The following ZNF521 variants were observed in gnomAD, a reference collection of about 807,000 sequenced individuals.
ZNF521 encodes LYST-interacting protein 3.
ZNF521 carries 14 observed loss-of-function variants against 105.5 expected under a neutral mutation model. The ratio of observed to expected loss-of-function variants is 0.13; its 90% CI spans 0.09 to 0.21. The LOEUF (loss-of-function observed/expected upper bound fraction) is 0.21, where lower values mean the gene tolerates loss of function less well. ZNF521 is among the 10% of genes least tolerant of loss of function. The pLI is 1.00. For synonymous variants in ZNF521, 635 were observed against 606.0 expected (o/e 1.05, Z -0.70); for missense variants, 1,233 against 1,629.7 (o/e 0.76, Z 4.19).
At chr18:25,222,319 T>TTGAA (rs1905778875) in intron 4 of ZNF521, among the ~76,000 whole-genome samples, 1 of 152,230 alleles carries the variant, frequency 6.6e-6, no homozygotes, top group Admixed American at 6.5e-5. Flanking sequence ...AATGATAAAT[T>TTGAA]CTCCTCATCG....
Position 25,322,143 on chromosome 18 carries a change from G to C in ZNF521, c.85C>G (p.Leu29Val), listed in dbSNP as rs764342058. 2 of 1,614,156 alleles carry C rather than the reference G, an allele frequency of 1.2e-6. No homozygotes were observed. Among genetic ancestry groups the C allele is most frequent in the Non-Finnish European group, 1.7e-6 (2 of 1,180,024 alleles). ...TCTTCCGGCCTCTTCTTACAATCTAGTGCCTCTCCATCTTCAGTCTTGTCT... is the reference window on the plus strand; with the variant it reads ...TCTTCCGGCCTCTTCTTACAATCTACTGCCTCTCCATCTTCAGTCTTGTCT... ...LEDKTEDGEA[L>V]DCKKRPEDGE... Residue 29 changes from leucine (L) to valine (V), a missense_variant, in exon 3 of 8, where the codon CTA (leucine) becomes GTA (valine). By Grantham distance (32) the Leu-to-Val change is conservative (BLOSUM62 1). Coordinates refer to ENST00000361524, the MANE Select transcript of ZNF521 (RefSeq NM_015461.3).
intron 4 of ZNF521, among the ~76,000 whole-genome samples, chr18:25,205,852 AACAG>A (rs1288853593): frequency 3.9e-5 from 6 of 152,284 alleles, no homozygotes; most frequent in Admixed American, 6.5e-5. Context: ...AAAAGGATAA[AACAG>A]ACAAATTTTT....
intron 5 of ZNF521, among the ~76,000 whole-genome samples, chr18:25,145,589 T>A (rs979456103): frequency 3.9e-5 from 6 of 152,140 alleles, no homozygotes. Context: ...TAAGCTTGGG[T>A]CTGTCACTGA....
intron 5 of ZNF521, among the ~76,000 whole-genome samples, chr18:25,180,240 G>T (rs60735412): frequency 0.014 from 2,084 of 152,220 alleles, 54 homozygotes; most frequent in African/African-American, 0.048. Flanking sequence ...AAGTTAAATT[G>T]TTTTAGTAAC....
intron 5 of ZNF521, among the ~76,000 whole-genome samples, chr18:25,160,613 C>T (rs2035233564): frequency 6.6e-6 from 1 of 152,174 alleles, no homozygotes; most frequent in Admixed American, 6.5e-5. Context: ...AAAAGTTCCA[C>T]AGATAAGTTC....
chr18:25,349,029 A>T (rs2145232613), intron 2 of ZNF521, among the ~76,000 whole-genome samples: 1 of 152,252 alleles, frequency 6.6e-6, no homozygotes, highest in Non-Finnish European at 1.5e-5. Flanking sequence ...AGTGAACAAA[A>T]CTGCCAATCG....
chr18:25,305,525 G>A (rs886197232), intron 3 of ZNF521, among the ~76,000 whole-genome samples: 2 of 152,042 alleles, frequency 1.3e-5, no homozygotes, highest in African/African-American at 4.8e-5. Context: ...TTGGGTTTGG[G>A]AAACTGGGTC....
chr18:25,122,057 A>G (rs2034453884), intron 5 of ZNF521, among the ~76,000 whole-genome samples: 1 of 152,202 alleles, frequency 6.6e-6, no homozygotes, highest in Admixed American at 6.5e-5. Flanking sequence ...AGCTATAACT[A>G]CATTTCTGTG....
chr18:25,349,342 C>T (rs937059946), intron 2 of ZNF521, among the ~76,000 whole-genome samples: 21 of 152,164 alleles, frequency 1.4e-4, no homozygotes, highest in African/African-American at 5.1e-4. Context: ...ACACTTGGAT[C>T]TTTCAGGCCC....
At chr18:25,282,359 G>A (rs905473554) in intron 3 of ZNF521, among the ~76,000 whole-genome samples, 2 of 152,156 alleles carry the variant, frequency 1.3e-5, no homozygotes, top group East Asian at 1.9e-4. Flanking sequence ...TGGAAAGCCA[G>A]GCGGCTTGTG....
intron 4 of ZNF521, among the ~76,000 whole-genome samples, chr18:25,212,539 ATATATATATAT>A (rs1370800458): frequency 9.8e-4 from 47 of 47,910 alleles, no homozygotes; most frequent in African/African-American, 4.9e-3. Context: ...AAAAAAAAAA[ATATATATATAT>A]ATATATATAT....
At chr18:25,277,331 A>C (rs2144971647) in intron 3 of ZNF521, among the ~76,000 whole-genome samples, 1 of 152,296 alleles carries the variant, frequency 6.6e-6, no homozygotes, top group South Asian at 2.1e-4. Flanking sequence ...TCTGGCTTTA[A>C]AACAATGTTA....
intron 5 of ZNF521, among the ~76,000 whole-genome samples, chr18:25,127,349 T>C (rs1430854255): frequency 1.3e-5 from 2 of 151,976 alleles, no homozygotes; most frequent in African/African-American, 4.8e-5. Flanking sequence ...AGTAATAGCA[T>C]TAATATTAAC....
chr18:25,226,518 A>G lies in ZNF521; in HGVS notation c.1400T>C (p.Leu467Pro). ...AATGGCAGGCATGGCAGAAACAATC[A>G]GACCTGGGTCCTGAGCTTCATGCAC... ...KQVHEAQDPG[L>P]IVSAMPAIVY... Residue 467 changes from leucine to proline, a missense_variant, in exon 4 of 8, where the codon CTG becomes CCG. Physicochemically the swap from Leu to Pro is moderately conservative, Grantham distance 98 (BLOSUM62 -3). Transcript: ENST00000361524. This position sits in a 1 kb window ranked among gnomAD's most constrained non-coding sequence, Gnocchi z 4.1. 6.2e-7 allele frequency: 1 copy of G among 1,614,202 alleles called. No individual in the cohort carries two copies. The highest frequency in any genetic ancestry group is 1.1e-5 in the South Asian group (1 of 91,080).
chr18:25,189,821 T>C (rs1036571307), intron 5 of ZNF521, among the ~76,000 whole-genome samples: 1 of 152,242 alleles, frequency 6.6e-6, no homozygotes, highest in Non-Finnish European at 1.5e-5. Flanking sequence ...TAAAGTCATT[T>C]GAAATGCTTT....
At chr18:25,081,539 G>T (rs1322113077) in intron 7 of ZNF521, among the ~76,000 whole-genome samples, 3 of 152,170 alleles carry the variant, frequency 2.0e-5, no homozygotes, top group African/African-American at 7.2e-5. Context: ...CAGGACACAT[G>T]GTGAAGCAGG....
intron 4 of ZNF521, among the ~76,000 whole-genome samples, chr18:25,222,019 A>G (rs1905757875): frequency 6.6e-6 from 1 of 152,166 alleles, no homozygotes; most frequent in South Asian, 2.1e-4. Flanking sequence ...AACGATGATT[A>G]AAATGTTGAA....
Position 25,227,547 on chromosome 18 carries a change from T to C in ZNF521, c.371A>G (p.Asp124Gly). 1.9e-6 allele frequency: 3 copies of C among 1,614,144 alleles called. No individual in the cohort carries two copies. The highest frequency in any genetic ancestry group is 1.7e-6 in the Non-Finnish European group (2 of 1,180,008). The change falls in exon 4 of 8, where the codon GAC (aspartate) becomes GGC (glycine). Residue 124 changes from aspartate (D) to glycine (G), a missense_variant. Physicochemically the swap from Asp to Gly is moderately conservative, Grantham distance 94 (BLOSUM62 -1). Coordinates refer to ENST00000361524, the MANE Select transcript of ZNF521 (RefSeq NM_015461.3). This position sits in a 1 kb window ranked among gnomAD's most constrained non-coding sequence, Gnocchi z 5.7. ...GTAGCTGAGGCGGCTAAACGACTTGTCACAGAATTGACACGGGTATGGAAG... is the reference window on the plus strand; with the variant it reads ...GTAGCTGAGGCGGCTAAACGACTTGCCACAGAATTGACACGGGTATGGAAG... Reference protein sequence around the residue: ...PGLPYPCQFCDKSFSRLSYLK... With the variant: ...PGLPYPCQFCGKSFSRLSYLK...
chr18:25,294,413 T>C (rs1473297268), intron 3 of ZNF521, among the ~76,000 whole-genome samples: 2 of 152,230 alleles, frequency 1.3e-5, no homozygotes, highest in Admixed American at 6.5e-5. Context: ...TGTCTTCTTC[T>C]GACTCTGGAA....
Sources: allele counts gnomAD v4.1 joint callset (sites outside exome capture counted in the v4.1 genomes callset), GRCh38; gene constraint gnomAD v4.1.1; non-coding constraint Gnocchi (gnomAD v3.1); transcripts MANE v1.5; gene names NCBI Gene and HGNC (gene_info 2026-07-23, HGNC 2026-07-21).